Variants in BAZ2B observed in about 807,000 individuals in gnomAD.
BAZ2B encodes the protein bromodomain adjacent to zinc finger domain protein 2B.
Under a neutral mutation model 246.0 loss-of-function variants are expected in BAZ2B, and 91 were observed. The ratio of observed to expected loss-of-function variants is 0.37; its 90% CI spans 0.31 to 0.44. The LOEUF (loss-of-function observed/expected upper bound fraction) is 0.44, where lower values mean the gene tolerates loss of function less well. Among genes scored for constraint, BAZ2B ranks in the 20% least tolerant of loss-of-function variants. BAZ2B has a pLI of 1.00. For missense variants in BAZ2B, 2,332 were observed against 2,533.7 expected (o/e 0.92, Z 1.71); for synonymous variants, 855 against 860.0 (o/e 0.99, Z 0.10).
chr2:159,450,816 T>G (rs2074990315), intron 4 of BAZ2B, among the ~76,000 whole-genome samples: 1 of 151,736 alleles, frequency 6.6e-6, no homozygotes, highest in African/African-American at 2.4e-5. Flanking sequence ...AGGGGCTCAC[T>G]GCAACCTCCA....
At chr2:159,377,141 A>G (rs1465855546) in intron 25 of BAZ2B, among the ~76,000 whole-genome samples, 1 of 152,220 alleles carries the variant, frequency 6.6e-6, no homozygotes, top group Non-Finnish European at 1.5e-5. Context: ...CTTCTAATTG[A>G]AAGGGATCCT....
intron 1 of BAZ2B, among the ~76,000 whole-genome samples, chr2:159,604,561 T>C (rs1319444044): frequency 6.6e-6 from 1 of 152,220 alleles, no homozygotes; most frequent in African/African-American, 2.4e-5. Flanking sequence ...ATACTCTCAA[T>C]ATATTTAATA....
At chr2:159,367,271 C>A (rs138615116) in intron 27 of BAZ2B, among the ~76,000 whole-genome samples, 91 of 152,246 alleles carry the variant, frequency 6.0e-4, no homozygotes, top group Non-Finnish European at 1.1e-3. Context: ...ACAAGGCACA[C>A]CCCTGTGGAA....
chr2:159,422,540 T>C (rs140111312), intron 13 of BAZ2B, among the ~76,000 whole-genome samples: 396 of 152,222 alleles, frequency 2.6e-3, no homozygotes, highest in African/African-American at 9.1e-3. Context: ...TGGCTAGACA[T>C]ATGCAGAATA....
At chr2:159,321,448 T>C (rs1463558170) in intron 36 of BAZ2B, among the ~76,000 whole-genome samples, 1 of 152,172 alleles carries the variant, frequency 6.6e-6, no homozygotes, top group Non-Finnish European at 1.5e-5. Context: ...AAGAGATATT[T>C]GCACTCCTAT....
Position 159,428,333 on chromosome 2 carries a change from C to G in BAZ2B, c.2342G>C (p.Arg781Thr). The G allele has an allele frequency of 1.2e-6, 2 of 1,612,954 alleles. No homozygotes were observed. The highest frequency in any genetic ancestry group is 1.7e-6 in the Non-Finnish European group (2 of 1,179,488). Reference sequence around the variant, plus strand: ...TACCTTTATTACTTCAGGGTACTGCCTAAGTTTCTTTCCACATGGAGCATA... The same window carrying G: ...TACCTTTATTACTTCAGGGTACTGCGTAAGTTTCTTTCCACATGGAGCATA... Reference protein sequence around the residue: ...AYYAPCGKKLRQYPEVIKYLS... With the variant: ...AYYAPCGKKLTQYPEVIKYLS... Residue 781 changes from arginine to threonine, a missense_variant, in exon 12 of 37, where the codon AGG becomes ACG. Around this residue, in one of 9 missense-constraint regions of BAZ2B, gnomAD observed 651 missense variants for 650.9 expected, o/e 1.00. Coordinates refer to ENST00000392783, the MANE Select transcript of BAZ2B (RefSeq NM_013450.4).
chr2:159,397,259 A>C (rs947265691), intron 19 of BAZ2B, 86 bp downstream of exon 19: 1 of 1,292,072 alleles, frequency 7.7e-7, no homozygotes, highest in African/African-American at 1.5e-5. Flanking sequence ...TTTTAAAGAA[A>C]ATATTTTGAA....
chr2:159,567,295 T>A (rs1165412146), intron 1 of BAZ2B, among the ~76,000 whole-genome samples: 5 of 152,184 alleles, frequency 3.3e-5, no homozygotes, highest in Non-Finnish European at 5.9e-5. Flanking sequence ...GGGGAACCTA[T>A]AAATACATGG....
intron 2 of BAZ2B, among the ~76,000 whole-genome samples, chr2:159,519,521 C>T (rs2151248094): frequency 6.6e-6 from 1 of 151,598 alleles, no homozygotes; most frequent in East Asian, 2.0e-4. Flanking sequence ...TGAGCCACCG[C>T]GCCCGGCCTC....
chr2:159,388,225 CTAAT>C (rs2062867497), intron 21 of BAZ2B, among the ~76,000 whole-genome samples: 1 of 151,934 alleles, frequency 6.6e-6, no homozygotes, highest in African/African-American at 2.4e-5. Context: ...ACATATCCTA[CTAAT>C]TAAGTATAAT....
At chr2:159,370,618 C>G (rs984038639) in intron 27 of BAZ2B, among the ~76,000 whole-genome samples, 1 of 152,024 alleles carries the variant, frequency 6.6e-6, no homozygotes, top group Non-Finnish European at 1.5e-5. Context: ...GTGATCCGCC[C>G]GTCTCCGCCT....
downstream of BAZ2B, among the ~76,000 whole-genome samples, chr2:159,317,663 A>G (rs1354580576): frequency 6.6e-6 from 1 of 152,248 alleles, no homozygotes; most frequent in Non-Finnish European, 1.5e-5. Flanking sequence ...TAGGACTAAA[A>G]TGAGGAAGCT....
In BAZ2B at chr2:159,501,122, TA is replaced by T. The variant is rs1307851755; in HGVS notation, c.-2-22402del. On this transcript the variant is annotated intron_variant, in intron 2 of 36. Coordinates refer to ENST00000392783, the MANE Select transcript of BAZ2B (RefSeq NM_013450.4). ...CCATCTCTGTTTAAAAATATATATA[TA>T]ATATATATATATATTTTATATATAT... Among the ~76,000 whole-genome samples the T allele has an allele frequency of 1.8e-3, 85 of 47,504 alleles. 1 individual carries two copies. Among genetic ancestry groups the T allele is most frequent in the African/African-American group, 4.8e-3 (74 of 15,464 alleles). 31.2% of individuals were successfully genotyped at this position (47,504 alleles called of 152,430 possible).
chr2:159,661,651 T>A, the BAZ2B span, among the ~76,000 whole-genome samples: 1 of 152,230 alleles, frequency 6.6e-6, no homozygotes, highest in East Asian at 1.9e-4. Context: ...TGTAGTGATA[T>A]CTCAATGTGT....
At chr2:159,333,400 A>C (rs569317752) in intron 33 of BAZ2B, among the ~76,000 whole-genome samples, 1 of 152,242 alleles carries the variant, frequency 6.6e-6, no homozygotes, top group South Asian at 2.1e-4. Flanking sequence ...TTTCTACTGA[A>C]AATTTTCTAA....
At chr2:159,645,565 AG>A in the BAZ2B span, among the ~76,000 whole-genome samples, 1 of 152,018 alleles carries the variant, frequency 6.6e-6, no homozygotes, top group Admixed American at 6.6e-5. Context: ...ATCTGACAGG[AG>A]GTGGAGATCA....
At chr2:159,331,198 G>A (rs1011593020) in intron 34 of BAZ2B, among the ~76,000 whole-genome samples, 1 of 152,120 alleles carries the variant, frequency 6.6e-6, no homozygotes, top group African/African-American at 2.4e-5. Context: ...GAGAAGGTAA[G>A]GTATGTGAGC....
intron 14 of BAZ2B, among the ~76,000 whole-genome samples, chr2:159,410,688 T>G (rs2066694518): frequency 2.0e-5 from 3 of 152,190 alleles, no homozygotes; most frequent in Admixed American, 2.0e-4. Flanking sequence ...GATAAAAAAT[T>G]TATATGATAA....
intron 1 of BAZ2B, among the ~76,000 whole-genome samples, chr2:159,584,702 T>G (rs1687644182): frequency 6.6e-6 from 1 of 152,246 alleles, no homozygotes; most frequent in African/African-American, 2.4e-5. Context: ...TGACAGGACA[T>G]GGTTTAGATC....
Sources: allele counts gnomAD v4.1 joint callset (sites outside exome capture counted in the v4.1 genomes callset), GRCh38; gene constraint gnomAD v4.1.1; regional missense constraint gnomAD v4.1.1; transcripts MANE v1.5; gene names NCBI Gene and HGNC (gene_info 2026-07-23, HGNC 2026-07-21).